The following UBE3D variants were observed in gnomAD, a reference collection of about 807,000 sequenced individuals.
UBE3D encodes the protein ubiquitin protein ligase E3D.
A neutral mutation model predicts 49.6 loss-of-function variants in UBE3D; 48 were observed. That is an observed-to-expected ratio of 0.97 (90% CI 0.77 to 1.23). UBE3D has a LOEUF of 1.23. Ranked by LOEUF, UBE3D falls within the 50% of genes most tolerant of loss-of-function variation. The probability of loss-of-function intolerance (pLI) is 0.00; values close to 1 mark genes in which losing one functional copy is unlikely to be tolerated. For missense variants in UBE3D, 452 were observed against 468.4 expected, an observed-to-expected ratio of 0.96 and a Z score of 0.32; for synonymous variants, 189 against 174.2, an observed-to-expected ratio of 1.08 and a Z score of -0.67.
chr6:83,052,979 T>C (rs1024676864), intron 3 of UBE3D, among the ~76,000 whole-genome samples: 3 of 152,174 alleles, frequency 2.0e-5, no homozygotes, highest in Non-Finnish European at 4.4e-5. Flanking sequence ...ATGTAAGACA[T>C]GCTATGAAGA....
chr6:83,027,208 C>A (rs560859144), intron 5 of UBE3D, among the ~76,000 whole-genome samples: 1 of 151,322 alleles, frequency 6.6e-6, no homozygotes, highest in African/African-American at 2.4e-5. Flanking sequence ...GAGGCTGAGG[C>A]GGGAGGATCA....
chr6:83,018,091 T>C (rs558630902), intron 8 of UBE3D: 7 of 152,328 alleles, frequency 4.6e-5, no homozygotes, highest in African/African-American at 1.7e-4. Flanking sequence ...ATTTTATGAC[T>C]GGTACTACTT....
rs1196387863 is a variant in UBE3D, at chr6:83,044,548, A to G, written c.477T>C (p.Asn159=). ...FANKSLHPQE[N]DCFIGDSFFL... is the part of the protein sequence containing the mutation. ...AGAAAGAGTCTCCAATAAAACAGTC[A>G]TTCTCTTGCGGATGAAGTGATTTAT... The change falls in exon 4 of 10, where the codon AAT becomes AAC. Residue 159 remains asparagine (N), a synonymous_variant. Coordinates refer to ENST00000369747, the MANE Select transcript of UBE3D (RefSeq NM_198920.3). 2 of 1,614,064 alleles carry G rather than the reference A, an allele frequency of 1.2e-6. No individual in the cohort carries two copies. The highest frequency in any genetic ancestry group is 3.3e-5 in the Admixed American group (2 of 59,998).
chr6:83,035,912 A>C (rs1782213076), intron 5 of UBE3D: 1 of 152,146 alleles, frequency 6.6e-6, no homozygotes, highest in Non-Finnish European at 1.5e-5. Context: ...CTGGGTACTC[A>C]CTATGTGCCA....
At chr6:82,885,686 CTTG>C in the UBE3D span, among the ~76,000 whole-genome samples, 3 of 152,106 alleles carry the variant, frequency 2.0e-5, no homozygotes, top group Non-Finnish European at 1.5e-5. Context: ...ATTTTCTGTT[CTTG>C]TTGTGCCTGA....
At chr6:82,990,813 T>C (rs1221113415) in intron 8 of UBE3D, among the ~76,000 whole-genome samples, 1 of 152,224 alleles carries the variant, frequency 6.6e-6, no homozygotes, top group African/African-American at 2.4e-5. Context: ...ATATAAATAC[T>C]GAAGCCCTCA....
intron 9 of UBE3D, among the ~76,000 whole-genome samples, chr6:82,950,632 A>G (rs370127240): frequency 1.3e-5 from 2 of 152,200 alleles, no homozygotes; most frequent in East Asian, 1.9e-4. Flanking sequence ...AAATCAGTAT[A>G]TCAAAGAGAT....
At chr6:82,972,120 C>T (rs1432091809) in intron 8 of UBE3D, among the ~76,000 whole-genome samples, 1 of 152,142 alleles carries the variant, frequency 6.6e-6, no homozygotes, top group Non-Finnish European at 1.5e-5. Flanking sequence ...TGGTTGTTTG[C>T]ATCATATGCA....
intron 9 of UBE3D, among the ~76,000 whole-genome samples, chr6:82,925,534 C>T (rs187353306): frequency 2.8e-4 from 43 of 152,258 alleles, no homozygotes; most frequent in Admixed American, 9.2e-4. Context: ...GGAATCCATC[C>T]TATCCTGTGG....
chr6:82,896,633 A>G (rs1181851220), intron 9 of UBE3D, among the ~76,000 whole-genome samples: 1 of 152,210 alleles, frequency 6.6e-6, no homozygotes. Context: ...ATGCATTAAT[A>G]CATTTGTGTG....
downstream of UBE3D, among the ~76,000 whole-genome samples, chr6:82,891,671 C>T (rs1453350884): frequency 6.6e-6 from 1 of 152,132 alleles, no homozygotes; most frequent in African/African-American, 2.4e-5. Flanking sequence ...GGTTGCACTA[C>T]CAGGAAGAAG....
At chr6:83,031,694 CT>C (rs1191904261) in intron 5 of UBE3D, among the ~76,000 whole-genome samples, 1 of 152,174 alleles carries the variant, frequency 6.6e-6, no homozygotes, top group Non-Finnish European at 1.5e-5. Context: ...AGGAAAGTGA[CT>C]TCAGGGCAGG....
intron 9 of UBE3D, among the ~76,000 whole-genome samples, chr6:82,950,885 T>A (rs1775741843): frequency 1.3e-5 from 2 of 152,010 alleles, no homozygotes; most frequent in African/African-American, 4.8e-5. Flanking sequence ...TCTCACTTAC[T>A]TGTGGGATCT....
At chr6:82,889,365 C>CCTG, downstream of UBE3D, among the ~76,000 whole-genome samples, 1 of 152,340 alleles carries the variant, frequency 6.6e-6, no homozygotes, top group East Asian at 1.9e-4. Context: ...TACCAAAAGG[C>CCTG]CTGCACAAGG....
chr6:83,011,800 G>A (rs1051424710), intron 8 of UBE3D, among the ~76,000 whole-genome samples: 2 of 152,160 alleles, frequency 1.3e-5, no homozygotes, highest in African/African-American at 2.4e-5. Context: ...GTTGTGGGAA[G>A]AGGAAGCAAA....
At chr6:82,973,087 C>A (rs1424334628) in intron 8 of UBE3D, among the ~76,000 whole-genome samples, 2 of 152,112 alleles carry the variant, frequency 1.3e-5, no homozygotes, top group Non-Finnish European at 2.9e-5. Context: ...AAAGACAACA[C>A]CACATTATAG....
chr6:83,005,989 C>T (rs1406504597), intron 8 of UBE3D, among the ~76,000 whole-genome samples: 1 of 152,236 alleles, frequency 6.6e-6, no homozygotes, highest in East Asian at 1.9e-4. Flanking sequence ...CGTTGGGAGG[C>T]TGAGATGGGT....
chr6:82,907,970 G>A (rs1241392626), intron 9 of UBE3D, among the ~76,000 whole-genome samples: 2 of 152,126 alleles, frequency 1.3e-5, no homozygotes, highest in African/African-American at 4.8e-5. Flanking sequence ...TGAACAAATT[G>A]TGGCATATTT....
chr6:82,894,580 G>A (rs1212287631), intron 9 of UBE3D, among the ~76,000 whole-genome samples: 2 of 152,048 alleles, frequency 1.3e-5, no homozygotes, highest in South Asian at 2.1e-4. Flanking sequence ...CTGTAGAGCC[G>A]CCAACTCCCT....
Sources: gnomAD v4.1 joint callset for allele counts (sites outside exome capture counted in the v4.1 genomes callset) on GRCh38, gnomAD v4.1.1 for gene constraint, MANE v1.5 for transcripts, NCBI Gene and HGNC (gene_info 2026-07-23, HGNC 2026-07-21) for gene names.